NFIB: variants seen among roughly 807,000 people sequenced by gnomAD.
The protein encoded by NFIB is nuclear factor 1 B-type.
NFIB carries 11 observed loss-of-function variants against 61.5 expected under a neutral mutation model. That is an observed-to-expected ratio of 0.18 (90% CI 0.11 to 0.30). The LOEUF is 0.30. Ranked by LOEUF, NFIB falls within the 10% of genes least tolerant of loss-of-function variation. The pLI is 1.00. For synonymous variants in NFIB, 260 were observed against 216.5 expected, an observed-to-expected ratio of 1.20 and a Z score of -1.76; for missense variants, 471 against 608.9, an observed-to-expected ratio of 0.77 and a Z score of 2.38.
At chr9:14,138,300 T>C (rs911372048) in intron 6 of NFIB, among the ~76,000 whole-genome samples, 2 of 152,194 alleles carry the variant, frequency 1.3e-5, no homozygotes, top group Non-Finnish European at 2.9e-5. Flanking sequence ...TTACATGTGC[T>C]TGTTGAAGAC....
intron 10 of NFIB, among the ~76,000 whole-genome samples, chr9:14,108,790 G>A (rs549965651): frequency 6.6e-6 from 1 of 152,038 alleles, no homozygotes; most frequent in African/African-American, 2.4e-5. Context: ...TGACTTTATT[G>A]TCTCACTTAG....
chr9:14,232,781 A>C lies in NFIB; in HGVS notation c.563-53001T>G, dbSNP rs369188967. ...TCCTAAAGTGTAGCAAGTTCTTATA[A>C]TGAGTTGAACTATTTAACTTATTTT... On this transcript the variant is annotated intron_variant, in intron 2 of 10. Transcript: ENST00000380953. Among the ~76,000 whole-genome samples, 4 of 152,208 alleles carry C rather than the reference A, an allele frequency of 2.6e-5. No individual in the cohort carries two copies. The South Asian group carries it at 8.5e-4, about 32-fold the overall frequency.
At chr9:14,234,514 C>G (rs988509299) in intron 2 of NFIB, among the ~76,000 whole-genome samples, 2 of 151,836 alleles carry the variant, frequency 1.3e-5, no homozygotes, top group Non-Finnish European at 2.9e-5. Flanking sequence ...GGATTACAGG[C>G]ACGCACCACC....
At chr9:14,231,133 A>T (rs866405963) in intron 2 of NFIB, among the ~76,000 whole-genome samples, 742 of 66,946 alleles carry the variant, frequency 0.011, 5 homozygotes, top group African/African-American at 0.024. Context: ...AAAAAAAAAA[A>T]AAATATATAT....
chr9:14,424,764 A>G, the NFIB span, among the ~76,000 whole-genome samples: 21 of 152,248 alleles, frequency 1.4e-4, no homozygotes, highest in South Asian at 1.0e-3. Flanking sequence ...AACAGGCTCT[A>G]TGGAGAGGGA....
At position 14,385,157 on chromosome 9, in the gene NFIB, A is replaced by G. The variant is rs1463171047; in HGVS notation, c.108+13367T>C. ...CAGGGCTTTGATGGATTCTTATCTC[A>G]TCCTCACAAAACTCCTGTGGGGGTT... is the stretch of plus-strand genomic sequence containing the variant. On this transcript the variant is annotated intron_variant, in intron 1 of 8. Transcript: ENST00000380934. 2.0e-5 allele frequency among the ~76,000 whole-genome samples: 3 copies of G among 152,154 alleles called. No homozygotes were observed. The East Asian group carries it at 5.8e-4, about 29-fold the overall frequency.
chr9:14,485,337 A>C, the NFIB span, among the ~76,000 whole-genome samples: 2 of 148,346 alleles, frequency 1.3e-5, no homozygotes, highest in African/African-American at 5.2e-5. Flanking sequence ...TTGCAGATAA[A>C]GGTCAATTTA....
At chr9:14,444,829 G>A in the NFIB span, among the ~76,000 whole-genome samples, 5 of 152,216 alleles carry the variant, frequency 3.3e-5, no homozygotes, top group South Asian at 1.0e-3. Flanking sequence ...GGACTGTAGA[G>A]ACCCTTTTTG....
intron 2 of NFIB, among the ~76,000 whole-genome samples, chr9:14,294,361 C>G (rs1311109472): frequency 6.6e-6 from 1 of 152,222 alleles, no homozygotes; most frequent in Non-Finnish European, 1.5e-5. Flanking sequence ...TAGAATTTAA[C>G]AACCATGTAT....
chr9:14,144,272 C>T (rs985034941), intron 6 of NFIB, among the ~76,000 whole-genome samples: 35 of 152,234 alleles, frequency 2.3e-4, no homozygotes, highest in African/African-American at 8.2e-4. Flanking sequence ...CAAAGTGACA[C>T]TCTCTATAAT....
intron 1 of NFIB, among the ~76,000 whole-genome samples, chr9:14,384,307 G>C (rs1399542424): frequency 1.3e-5 from 2 of 152,098 alleles, no homozygotes; most frequent in African/African-American, 4.8e-5. Context: ...CTCTCCTCTA[G>C]AGGCCTTGAC....
intron 5 of NFIB, among the ~76,000 whole-genome samples, chr9:14,147,455 T>C (rs2042388310): frequency 6.6e-6 from 1 of 152,022 alleles, no homozygotes; most frequent in African/African-American, 2.4e-5. Flanking sequence ...ACTTATCAAA[T>C]AGTAATTCTT....
the NFIB span, among the ~76,000 whole-genome samples, chr9:14,478,594 G>A: frequency 1.1e-4 from 17 of 152,198 alleles, no homozygotes; most frequent in South Asian, 1.0e-3. Context: ...ATATTATTAC[G>A]CAATTTGCTT....
At chr9:14,150,389 C>T (rs1332013873) in intron 4 of NFIB, 124 bp from the exon 5 acceptor site, 2 of 1,465,340 alleles carry the variant, frequency 1.4e-6, no homozygotes, top group Non-Finnish European at 1.8e-6. Context: ...TCACCTTAAG[C>T]CTCTAATACC....
the NFIB span, among the ~76,000 whole-genome samples, chr9:14,457,092 G>C: frequency 6.6e-6 from 1 of 152,160 alleles, no homozygotes; most frequent in Non-Finnish European, 1.5e-5. Context: ...AGGGCAATGT[G>C]TACTGTATGC....
chr9:14,372,648 G>A (rs567488240), intron 1 of NFIB, among the ~76,000 whole-genome samples: 87 of 152,216 alleles, frequency 5.7e-4, no homozygotes, highest in Middle Eastern at 3.4e-3. Flanking sequence ...GGCTCTGGGC[G>A]GTTTTACTGT....
At chr9:14,436,437 A>G in the NFIB span, among the ~76,000 whole-genome samples, 1 of 152,228 alleles carries the variant, frequency 6.6e-6, no homozygotes, top group Non-Finnish European at 1.5e-5. Context: ...TAAGGCTTTC[A>G]TTTGGCATCT....
intron 2 of NFIB, chr9:14,305,994 T>G: frequency 7.5e-7 from 1 of 1,327,648 alleles, no homozygotes; most frequent in Non-Finnish European, 1.0e-6. Flanking sequence ...CTTGATGCAT[T>G]TATTTGAAGA....
In NFIB at chr9:14,225,484, G is replaced by A. The variant is rs113620184; in HGVS notation, c.563-45704C>T. Among the ~76,000 whole-genome samples the A allele has an allele frequency of 6.1e-3, 714 of 117,296 alleles. 2 individuals are homozygous for A. The highest frequency in any genetic ancestry group is 0.019 in the African/African-American group (542 of 28,926). The allele number at this position is 117,296 out of a possible 152,430, so 77.0% of individuals were successfully genotyped here. A position where few individuals can be genotyped will look rare whatever the true frequency, so the allele number is the denominator to read the frequency against. On this transcript the variant is annotated intron_variant, in intron 2 of 10. Coordinates refer to ENST00000380953, the MANE Select transcript of NFIB (RefSeq NM_001190737.2). ...AAAAAAAAAAAAAAAAAAAAAAGAA[G>A]AAGAAGAAAATAGGTAATATGATAG...
Sources: allele counts gnomAD v4.1 joint callset (sites outside exome capture counted in the v4.1 genomes callset), GRCh38; gene constraint gnomAD v4.1.1; transcripts MANE v1.5; gene names NCBI Gene and HGNC (gene_info 2026-07-23, HGNC 2026-07-21).